The following PCDHA2 variants were observed in gnomAD, a reference collection of about 807,000 sequenced individuals.
The protein encoded by PCDHA2 is protocadherin alpha 2, also known as protocadherin alpha-2.
A neutral mutation model predicts 66.0 loss-of-function variants in PCDHA2; 58 were observed. The observed-to-expected ratio is 0.88, with a 90% CI of 0.71 to 1.09. PCDHA2 has a LOEUF of 1.09. Ranked by LOEUF, PCDHA2 falls within the 50% of genes least tolerant of loss-of-function variation. The pLI is 0.00. For missense variants in PCDHA2, 1,267 were observed against 1,242.3 expected (o/e 1.02, Z -0.30); for synonymous variants, 634 against 554.0 (o/e 1.14, Z -2.03).
chr5:140,846,984 C>T (rs1554141604), intron 1 of PCDHA2, among the ~76,000 whole-genome samples: 2 of 149,190 alleles, frequency 1.3e-5, no homozygotes, highest in African/African-American at 4.9e-5. Context: ...TAAGTAAGTT[C>T]CCCCCGGGAG....
intron 1 of PCDHA2, chr5:140,851,724 A>G: frequency 1.0e-6 from 1 of 967,484 alleles, no homozygotes; most frequent in Non-Finnish European, 1.2e-6. Context: ...CGAAACTTCG[A>G]GTTCTTTTGA....
At chr5:140,842,923 G>C in intron 1 of PCDHA2, 1 of 1,594,642 alleles carries the variant, frequency 6.3e-7, no homozygotes, top group Non-Finnish European at 8.6e-7. Context: ...TGCAGTTCCA[G>C]GTGAGCGCGC....
chr5:140,881,326 C>G, intron 1 of PCDHA2: 1 of 984,388 alleles, frequency 1.0e-6, no homozygotes, highest in Non-Finnish European at 1.2e-6. Flanking sequence ...TTCTATTTAA[C>G]CAGGACGCCG....
rs200571163 is a variant in PCDHA2, at chr5:140,795,178, G to C, written c.214G>C (p.Gly72Arg). ...RLFRVASKRHGDLLEVNLQNG... is the reference protein window; with the variant it reads ...RLFRVASKRHRDLLEVNLQNG... ...GTTCCGGGTGGCGTCCAAAAGACAC[G>C]GGGACCTTCTGGAGGTAAATCTGCA... The change falls in exon 1 of 4, where the codon GGG becomes CGG. Residue 72 changes from glycine to arginine, a missense_variant. Coordinates refer to ENST00000526136, the MANE Select transcript of PCDHA2 (RefSeq NM_018905.3). The C allele has an allele frequency of 4.3e-6, 7 of 1,613,966 alleles. No individual in the cohort carries two copies. The highest frequency in any genetic ancestry group is 2.7e-5 in the African/African-American group (2 of 74,934).
At chr5:140,930,002 C>T (rs1304233576) in intron 1 of PCDHA2, 4 of 152,196 alleles carry the variant, frequency 2.6e-5, no homozygotes, top group African/African-American at 9.6e-5. Flanking sequence ...CACCCTAAAA[C>T]ATAGCTGATA....
intron 1 of PCDHA2, among the ~76,000 whole-genome samples, chr5:140,940,207 G>C (rs1554213216): frequency 2.6e-5 from 4 of 152,094 alleles, no homozygotes; most frequent in Non-Finnish European, 5.9e-5. Context: ...TAAAATTCAA[G>C]ATTGGCATTT....
chr5:140,876,964 C>G, intron 1 of PCDHA2: 2 of 1,613,060 alleles, frequency 1.2e-6, no homozygotes, highest in Non-Finnish European at 1.7e-6. Context: ...GGTGGAGCGG[C>G]GGGTGGGCGA....
chr5:140,979,355 T>C (rs1437499560), intron 2 of PCDHA2, among the ~76,000 whole-genome samples: 6 of 152,206 alleles, frequency 3.9e-5, no homozygotes, highest in African/African-American at 1.4e-4. Flanking sequence ...TTAATACTCA[T>C]GCTTTGAGAC....
At chr5:140,844,541 T>C (rs1361373728) in intron 1 of PCDHA2, among the ~76,000 whole-genome samples, 3 of 149,594 alleles carry the variant, frequency 2.0e-5, no homozygotes, top group Non-Finnish European at 4.5e-5. Flanking sequence ...TTCAACCCTT[T>C]GTTCATGAGT....
chr5:140,927,674 A>T (rs201769803), intron 1 of PCDHA2: 1 of 1,614,182 alleles, frequency 6.2e-7, no homozygotes, highest in Non-Finnish European at 8.5e-7. Flanking sequence ...TTGGATCCAG[A>T]TGAAGGGTCC....
intron 1 of PCDHA2, among the ~76,000 whole-genome samples, chr5:140,899,419 A>G (rs1583341890): frequency 6.6e-6 from 1 of 152,318 alleles, no homozygotes; most frequent in Non-Finnish European, 1.5e-5. Flanking sequence ...GAATTTTGTC[A>G]AAGGTCTTTT....
In PCDHA2 at chr5:140,982,461, G is replaced by A. The variant is rs765899879; in HGVS notation, c.2448-14G>A. The A allele has an allele frequency of 4.7e-5, 76 of 1,614,088 alleles. No individual in the cohort carries two copies. The highest frequency in any genetic ancestry group is 5.8e-5 in the Non-Finnish European group (68 of 1,180,014). On this transcript the variant is annotated splice_polypyrimidine_tract_variant and intron_variant, in intron 2 of 3. Coordinates refer to ENST00000526136, the MANE Select transcript of PCDHA2 (RefSeq NM_018905.3). ...TATGATCTAACCGTTATCTGGGTCTGTGTGTTTATTCAGCTCTGTGCACCT... is the reference window on the plus strand; with the variant it reads ...TATGATCTAACCGTTATCTGGGTCTATGTGTTTATTCAGCTCTGTGCACCT...
At chr5:140,863,196 G>T (rs782500346) in intron 1 of PCDHA2, 2 of 874,852 alleles carry the variant, frequency 2.3e-6, no homozygotes, top group Non-Finnish European at 3.6e-6. Context: ...TGGTGGCGTC[G>T]CTGGCGGAGA....
rs139165612 is a variant in PCDHA2 at position 140,875,715 on chromosome 5, T to C, written c.2388+78363T>C. On this transcript the variant is annotated intron_variant, in intron 1 of 3. Coordinates refer to ENST00000526136, the MANE Select transcript of PCDHA2 (RefSeq NM_018905.3). Reference sequence around the variant, plus strand: ...ACCTTCTGGAGGTAAATCTGCAGAATGGCATTTTGTTTGTGAATTCTCGGA... The same window carrying C: ...ACCTTCTGGAGGTAAATCTGCAGAACGGCATTTTGTTTGTGAATTCTCGGA... 205 of 1,614,134 alleles carry C rather than the reference T, an allele frequency of 1.3e-4. 1 individual carries two copies. The African/African-American group carries it at 2.2e-3, about 17-fold the overall frequency.
chr5:140,920,780 G>A lies in PCDHA2; in HGVS notation c.2389-58169G>A, dbSNP rs187594262. Among the ~76,000 whole-genome samples the A allele has an allele frequency of 7.9e-3, 1,202 of 151,454 alleles. 5 individuals carry two copies. Among genetic ancestry groups the A allele is most frequent in the African/African-American group, 0.019 (781 of 41,244 alleles). ...AATTGCTTACACCTGGGAGGTGGAG[G>A]TTGCAGGGAACCAAGATCACGCCAC... On this transcript the variant is annotated intron_variant, in intron 1 of 3. Transcript: ENST00000526136.
chr5:140,843,056 A>G (rs2150351365), intron 1 of PCDHA2: 779,075 of 1,594,132 alleles, frequency 0.49, 229,035 homozygotes, highest in African/African-American at 0.71. Context: ...CGCAGCGAGC[A>G]AGCTGGTGCC....
intron 1 of PCDHA2, among the ~76,000 whole-genome samples, chr5:140,872,788 G>A (rs1419437796): frequency 6.6e-6 from 1 of 152,076 alleles, no homozygotes. Context: ...ATATATGCTA[G>A]TTGGCATTCT....
chr5:140,828,082 G>A (rs2150150737), intron 1 of PCDHA2: 46 of 1,582,796 alleles, frequency 2.9e-5, no homozygotes, highest in Non-Finnish European at 3.7e-5. Context: ...TAAAACCAGA[G>A]GTATTTGACA....
intron 1 of PCDHA2, among the ~76,000 whole-genome samples, chr5:140,833,364 G>T (rs1298324769): frequency 1.3e-5 from 2 of 152,118 alleles, no homozygotes; most frequent in Non-Finnish European, 2.9e-5. Flanking sequence ...AACACAGTAA[G>T]GTAGATCCAA....
Sources: allele counts gnomAD v4.1 joint callset (sites outside exome capture counted in the v4.1 genomes callset), GRCh38; gene constraint gnomAD v4.1.1; transcripts MANE v1.5; gene names NCBI Gene and HGNC (gene_info 2026-07-23, HGNC 2026-07-21).